The following TRIM44 variants were observed in gnomAD, a reference collection of about 807,000 sequenced individuals.
The protein encoded by TRIM44 is tripartite motif containing 44, also known as tripartite motif-containing protein 44.
Under a neutral mutation model 37.4 loss-of-function variants are expected in TRIM44, and 13 were observed. The observed-to-expected ratio is 0.35, with a 90% CI of 0.23 to 0.55. The LOEUF (loss-of-function observed/expected upper bound fraction) is 0.55. Among genes scored for constraint, TRIM44 ranks in the 20% least tolerant of loss-of-function variants. The pLI is 0.89. For synonymous variants in TRIM44, 175 were observed against 157.2 expected (o/e 1.11, Z -0.85); for missense variants, 426 against 437.2 (o/e 0.97, Z 0.23).
Position 35,812,639 on chromosome 11 carries a change from C to T in TRIM44, c.*6254C>T, listed in dbSNP as rs1212879841. ...TCTAGCAGACTTCACAGCCTCTTTC[C>T]TTAATCTCTTCTCTCCTAGCTGCAC... On this transcript the variant is annotated 3_prime_UTR_variant, in exon 5 of 5. Coordinates refer to ENST00000299413, the MANE Select transcript of TRIM44 (RefSeq NM_017583.6). The T allele has an allele frequency of 6.6e-6, 1 of 152,282 alleles. No individual in the cohort carries two copies. The highest frequency in any genetic ancestry group is 1.5e-5 in the Non-Finnish European group (1 of 68,098). 9.4% of individuals were successfully genotyped at this position (152,282 alleles called of 1,614,324 possible). A position where few individuals can be genotyped will look rare whatever the true frequency, so the allele number is the denominator to read the frequency against.
At chr11:35,703,509 C>A (rs544172785) in intron 2 of TRIM44, among the ~76,000 whole-genome samples, 1 of 152,298 alleles carries the variant, frequency 6.6e-6, no homozygotes, top group South Asian at 2.1e-4. Flanking sequence ...GGGAGGCACC[C>A]CCCAGTAGGG....
intron 2 of TRIM44, among the ~76,000 whole-genome samples, chr11:35,721,171 C>T (rs890168602): frequency 6.6e-6 from 1 of 151,858 alleles, no homozygotes; most frequent in Non-Finnish European, 1.5e-5. Flanking sequence ...CCCAAAGTGC[C>T]GGTATTACAG....
chr11:35,743,030 G>A (rs1053529728), intron 4 of TRIM44, among the ~76,000 whole-genome samples: 2 of 151,804 alleles, frequency 1.3e-5, no homozygotes, highest in South Asian at 4.1e-4. Context: ...TGTAGAGTAG[G>A]TTCCAACTAA....
intron 3 of TRIM44, among the ~76,000 whole-genome samples, chr11:35,730,818 A>G (rs909410474): frequency 6.6e-6 from 1 of 151,820 alleles, no homozygotes; most frequent in African/African-American, 2.4e-5. Flanking sequence ...AGTATATAAA[A>G]ATATAATTGG....
At chr11:35,693,295 T>C (rs1851659408) in intron 2 of TRIM44, among the ~76,000 whole-genome samples, 1 of 152,152 alleles carries the variant, frequency 6.6e-6, no homozygotes, top group Non-Finnish European at 1.5e-5. Context: ...GCTTTAACAA[T>C]TCCCCCCTTT....
At chr11:35,696,170 G>C (rs1201751079) in intron 2 of TRIM44, among the ~76,000 whole-genome samples, 1 of 143,852 alleles carries the variant, frequency 7.0e-6, no homozygotes. Context: ...ACGGAGTCTC[G>C]AGATGCTCTG....
intron 4 of TRIM44, among the ~76,000 whole-genome samples, chr11:35,761,194 T>C (rs1852720751): frequency 6.6e-6 from 1 of 152,236 alleles, no homozygotes; most frequent in African/African-American, 2.4e-5. Flanking sequence ...CATTCATCCA[T>C]TGATGGTTGC....
intron 4 of TRIM44, among the ~76,000 whole-genome samples, chr11:35,771,548 A>G (rs1011269394): frequency 2.0e-5 from 3 of 151,808 alleles, no homozygotes; most frequent in African/African-American, 7.3e-5. Context: ...ACATAGTGAA[A>G]CCCCCGTCTC....
chr11:35,683,720 G>A (rs1426340437), intron 1 of TRIM44, among the ~76,000 whole-genome samples: 1 of 151,822 alleles, frequency 6.6e-6, no homozygotes, highest in Non-Finnish European at 1.5e-5. Context: ...ATGAATTCCT[G>A]TGATTTTAGA....
At chr11:35,774,872 T>C (rs925715196) in intron 4 of TRIM44, among the ~76,000 whole-genome samples, 4 of 152,126 alleles carry the variant, frequency 2.6e-5, no homozygotes, top group Admixed American at 6.5e-5. Flanking sequence ...TTACTGGAGC[T>C]TTGTAGTATA....
chr11:35,742,777 T>G (rs1193695930), intron 4 of TRIM44, among the ~76,000 whole-genome samples: 1 of 88,052 alleles, frequency 1.1e-5, no homozygotes, highest in Non-Finnish European at 2.0e-5. Flanking sequence ...ATATATTACA[T>G]ATAAATATAC....
intron 2 of TRIM44, among the ~76,000 whole-genome samples, chr11:35,724,579 A>G (rs1321547326): frequency 6.6e-6 from 1 of 152,244 alleles, no homozygotes; most frequent in African/African-American, 2.4e-5. Flanking sequence ...CATGGTTGTG[A>G]GGAAACATCA....
chr11:35,717,019 G>A (rs1184118601), intron 2 of TRIM44, among the ~76,000 whole-genome samples: 1 of 152,188 alleles, frequency 6.6e-6, no homozygotes, highest in Admixed American at 6.5e-5. Context: ...CAGTGATAAT[G>A]AATGAGGAGG....
At position 35,812,112 on chromosome 11, in the gene TRIM44, C is replaced by T. The variant is rs1405035544; in HGVS notation, c.*5727C>T. The T allele has an allele frequency of 6.6e-6, 1 of 152,176 alleles. No individual in the cohort carries two copies. Among genetic ancestry groups the T allele is most frequent in the African/African-American group, 2.4e-5 (1 of 41,438 alleles). The allele number at this position is 152,176 out of a possible 1,614,324, so 9.4% of individuals were successfully genotyped here. ...AGTATCTCAACACCACATCCATTGC[C>T]CCAGCCCTTTCTTGTTTTATCTTTC... On this transcript the variant is annotated 3_prime_UTR_variant, in exon 5 of 5. Coordinates refer to ENST00000299413, the MANE Select transcript of TRIM44 (RefSeq NM_017583.6).
At chr11:35,686,380 T>C (rs190977035) in intron 2 of TRIM44, among the ~76,000 whole-genome samples, 1 of 151,692 alleles carries the variant, frequency 6.6e-6, no homozygotes, top group East Asian at 1.9e-4. Flanking sequence ...TTTTGTTTTT[T>C]TTTTTTTTAA....
chr11:35,677,797 CAGTA>C (rs146832745), intron 1 of TRIM44, among the ~76,000 whole-genome samples: 13,608 of 152,010 alleles, frequency 0.09, 857 homozygotes, highest in Non-Finnish European at 0.13. Flanking sequence ...GCAAAACAGA[CAGTA>C]AGGAAGTTAA....
chr11:35,696,651 A>C (rs570669974), intron 2 of TRIM44, among the ~76,000 whole-genome samples: 25 of 151,712 alleles, frequency 1.6e-4, no homozygotes, highest in African/African-American at 5.5e-4. Context: ...GATCAAGATC[A>C]TCCTGGCCAA....
chr11:35,717,503 T>TA (rs1318015256), intron 2 of TRIM44, among the ~76,000 whole-genome samples: 1 of 152,102 alleles, frequency 6.6e-6, no homozygotes, highest in Non-Finnish European at 1.5e-5. Context: ...AAATTATCCT[T>TA]AAAAAACCCC....
chr11:35,748,126 AAAG>A (rs1424442946), intron 4 of TRIM44, among the ~76,000 whole-genome samples: 1 of 152,142 alleles, frequency 6.6e-6, no homozygotes, highest in Non-Finnish European at 1.5e-5. Context: ...TAGGCTGTGA[AAAG>A]AAATACAGGG....
Sources: gnomAD v4.1 joint callset for allele counts (sites outside exome capture counted in the v4.1 genomes callset) on GRCh38, gnomAD v4.1.1 for gene constraint, MANE v1.5 for transcripts, NCBI Gene and HGNC (gene_info 2026-07-23, HGNC 2026-07-21) for gene names.